MYL11: variants seen among roughly 807,000 people sequenced by gnomAD.
The protein encoded by MYL11 is myosin regulatory light chain 11.
At chr16:30,377,855 C>T in the MYL11 span, 2 of 1,614,128 alleles carry the variant, frequency 1.2e-6, no homozygotes, top group Non-Finnish European at 1.7e-6. Context: ...ACTACAAAAA[C>T]ATCTGCTACG....
chr16:30,374,662 C>T, the MYL11 span: 1 of 582,276 alleles, frequency 1.7e-6, no homozygotes, highest in South Asian at 2.4e-5. Flanking sequence ...CCAGCTGCTG[C>T]CAGCCCTCCA....
chr16:30,376,577 C>T, the MYL11 span: 2 of 1,613,634 alleles, frequency 1.2e-6, no homozygotes, highest in Non-Finnish European at 1.7e-6. Context: ...TTCCCAGACC[C>T]TTCAGGGACC....
chr16:30,375,565 G>A, the MYL11 span, among the ~76,000 whole-genome samples: 169 of 152,278 alleles, frequency 1.1e-3, 1 homozygote, highest in African/African-American at 4.0e-3. Context: ...GCTAGGCTCA[G>A]GACACTGAGA....
chr16:30,377,753 G>T, the MYL11 span: 1 of 1,596,054 alleles, frequency 6.3e-7, no homozygotes, highest in Non-Finnish European at 8.6e-7. Flanking sequence ...TGGGGCCGGG[G>T]AGACTAAGGG....
the MYL11 span, among the ~76,000 whole-genome samples, chr16:30,374,616 C>T: frequency 1.3e-5 from 2 of 152,206 alleles, no homozygotes; most frequent in East Asian, 1.9e-4. Flanking sequence ...AGACATGCAT[C>T]GCAAGACATG....
At chr16:30,376,826 G>GGAGGCA in the MYL11 span, 1 of 884,394 alleles carries the variant, frequency 1.1e-6, no homozygotes, top group Admixed American at 2.2e-5. Context: ...CAGTGCTTTG[G>GGAGGCA]GAGGCAGAGG....
At chr16:30,372,084 C>T in the MYL11 span, among the ~76,000 whole-genome samples, 2 of 152,216 alleles carry the variant, frequency 1.3e-5, no homozygotes, top group African/African-American at 4.8e-5. Context: ...CTTCTCCTCA[C>T]CTTTCCCATC....
the MYL11 span, chr16:30,375,729 G>C: frequency 4.7e-6 from 5 of 1,070,150 alleles, no homozygotes; most frequent in Non-Finnish European, 6.9e-6. Context: ...TTAGGAACAG[G>C]GACTCGAAGA....
chr16:30,377,530 A>G, the MYL11 span: 7 of 1,015,806 alleles, frequency 6.9e-6, no homozygotes, highest in South Asian at 2.7e-5. Context: ...TGGGAGGCCA[A>G]TGAAGGAAGT....
chr16:30,372,541 A>G, the MYL11 span, among the ~76,000 whole-genome samples: 3 of 151,854 alleles, frequency 2.0e-5, no homozygotes, highest in East Asian at 5.8e-4. Flanking sequence ...TGAGGCCCAG[A>G]GGGAGAAGAG....
the MYL11 span, among the ~76,000 whole-genome samples, chr16:30,373,693 C>T: frequency 1.3e-5 from 2 of 148,948 alleles, no homozygotes; most frequent in Admixed American, 6.8e-5. Context: ...ACCCAGAAGG[C>T]GGAGGTTGCA....
chr16:30,373,476 G>A, the MYL11 span, among the ~76,000 whole-genome samples: 1 of 152,022 alleles, frequency 6.6e-6, no homozygotes, highest in East Asian at 1.9e-4. Context: ...CGCGCCTGTA[G>A]TCCCAGCTAC....
chr16:30,374,410 G>A, the MYL11 span, among the ~76,000 whole-genome samples: 1 of 152,038 alleles, frequency 6.6e-6, no homozygotes, highest in East Asian at 1.9e-4. Flanking sequence ...GCTTCCCAAA[G>A]TGCTGGGATT....
chr16:30,377,749 C>G, the MYL11 span: 1 of 1,593,976 alleles, frequency 6.3e-7, no homozygotes, highest in Non-Finnish European at 8.6e-7. Context: ...GGGCTGGGGC[C>G]GGGGAGACTA....
At chr16:30,376,117 T>C in the MYL11 span, 1 of 1,608,634 alleles carries the variant, frequency 6.2e-7, no homozygotes, top group Middle Eastern at 1.7e-4. Flanking sequence ...ATGGGGGACC[T>C]AACCCTCCCC....
chr16:30,374,637 CCTCCCCGCTGGG>C, the MYL11 span: 1 of 545,406 alleles, frequency 1.8e-6, no homozygotes, highest in Admixed American at 3.7e-5. Flanking sequence ...CTCCCCCCTT[CCTCCCCGCTGGG>C]CTCCAGCTGC....
chr16:30,375,721 A>T, the MYL11 span: 1 of 996,104 alleles, frequency 1.0e-6, no homozygotes, highest in East Asian at 2.6e-5. Flanking sequence ...GGGCTGCTTT[A>T]GGAACAGGGA....
the MYL11 span, chr16:30,376,704 C>T: frequency 8.1e-6 from 13 of 1,612,920 alleles, no homozygotes; most frequent in East Asian, 1.6e-4. Context: ...AAGTTGTAAG[C>T]ATCGGCTCCC....
chr16:30,372,080 C>T, the MYL11 span, among the ~76,000 whole-genome samples: 1 of 152,218 alleles, frequency 6.6e-6, no homozygotes, highest in African/African-American at 2.4e-5. Context: ...TCTCCTTCTC[C>T]TCACCTTTCC....
Sources: gnomAD v4.1 joint callset for allele counts (sites outside exome capture counted in the v4.1 genomes callset) on GRCh38, gnomAD v4.1.1 for gene constraint, MANE v1.5 for transcripts, NCBI Gene and HGNC (gene_info 2026-07-23, HGNC 2026-07-21) for gene names.